SGMS1: variants seen among roughly 807,000 people sequenced by gnomAD.
The protein encoded by SGMS1 is sphingomyelin synthase 1.
A neutral mutation model predicts 46.2 loss-of-function variants in SGMS1; 13 were observed. That is an observed-to-expected ratio of 0.28 (90% CI 0.18 to 0.45). SGMS1 has a LOEUF of 0.45. Among genes scored for constraint, SGMS1 ranks in the 20% least tolerant of loss-of-function variants. The probability of loss-of-function intolerance (pLI) is 1.00; values close to 1 mark genes in which losing one functional copy is unlikely to be tolerated. For missense variants in SGMS1, 324 were observed against 519.9 expected, an observed-to-expected ratio of 0.62 and a Z score of 3.66; for synonymous variants, 203 against 187.8, an observed-to-expected ratio of 1.08 and a Z score of -0.66.
At chr10:50,388,535 CT>C (rs1848717573) in intron 6 of SGMS1, among the ~76,000 whole-genome samples, 1 of 149,098 alleles carries the variant, frequency 6.7e-6, no homozygotes, top group South Asian at 2.1e-4. Flanking sequence ...ATCCTAGATA[CT>C]CAGGAGGCAG....
At chr10:50,622,459 GC>G (rs1222749867) in intron 1 of SGMS1, among the ~76,000 whole-genome samples, 1 of 152,040 alleles carries the variant, frequency 6.6e-6, no homozygotes, top group African/African-American at 2.4e-5. Flanking sequence ...TCAGACATTC[GC>G]CACTTCCACA....
chr10:50,451,760 C>G (rs1837112662), intron 5 of SGMS1, among the ~76,000 whole-genome samples: 1 of 152,200 alleles, frequency 6.6e-6, no homozygotes, highest in African/African-American at 2.4e-5. Flanking sequence ...ATGCTTCTCA[C>G]TAGATATACC....
At chr10:50,545,525 C>A (rs992530962) in intron 2 of SGMS1, among the ~76,000 whole-genome samples, 20 of 150,560 alleles carry the variant, frequency 1.3e-4, no homozygotes, top group African/African-American at 4.4e-4. Context: ...CAACCTCCAC[C>A]CCTGGGTTCA....
intron 6 of SGMS1, among the ~76,000 whole-genome samples, chr10:50,396,037 C>T (rs1294880242): frequency 1.3e-5 from 2 of 152,208 alleles, no homozygotes; most frequent in African/African-American, 4.8e-5. Context: ...CCCAATTCTA[C>T]TGAAAGAGGA....
chr10:50,587,651 G>A (rs1164807650), intron 2 of SGMS1, among the ~76,000 whole-genome samples: 21 of 151,208 alleles, frequency 1.4e-4, no homozygotes, highest in Admixed American at 1.1e-3. Flanking sequence ...GTGTGTGTGT[G>A]TGTGTGTGTG....
chr10:50,524,569 T>C (rs1317383673), intron 2 of SGMS1, among the ~76,000 whole-genome samples: 3 of 152,246 alleles, frequency 2.0e-5, no homozygotes, highest in Non-Finnish European at 4.4e-5. Flanking sequence ...GTGCTTTTGA[T>C]ATGCTAAGCA....
chr10:50,510,105 C>T (rs1193403807), intron 3 of SGMS1, among the ~76,000 whole-genome samples: 1 of 152,168 alleles, frequency 6.6e-6, no homozygotes, highest in African/African-American at 2.4e-5. Context: ...TTTTCTAACC[C>T]TATACTCTTG....
At chr10:50,606,483 T>A (rs1385332059) in intron 1 of SGMS1, among the ~76,000 whole-genome samples, 2 of 152,246 alleles carry the variant, frequency 1.3e-5, no homozygotes, top group Non-Finnish European at 2.9e-5. Context: ...GTATGTGTAT[T>A]TTACTATAAT....
intron 6 of SGMS1, among the ~76,000 whole-genome samples, chr10:50,409,066 A>G (rs1849062071): frequency 6.6e-6 from 1 of 152,202 alleles, no homozygotes; most frequent in African/African-American, 2.4e-5. Flanking sequence ...CTCACTTTGG[A>G]AAGAGGTAAT....
At chr10:50,515,350 T>C (rs1277611881) in intron 3 of SGMS1, among the ~76,000 whole-genome samples, 1 of 152,178 alleles carries the variant, frequency 6.6e-6, no homozygotes, top group Non-Finnish European at 1.5e-5. Context: ...GTCTCTGCAT[T>C]GTTTTGATAC....
chr10:50,427,535 G>A (rs939241506), intron 6 of SGMS1, among the ~76,000 whole-genome samples: 28 of 152,156 alleles, frequency 1.8e-4, no homozygotes, highest in Admixed American at 1.7e-3. Flanking sequence ...AAATTAAATG[G>A]CACAGTAAAT....
intron 6 of SGMS1, among the ~76,000 whole-genome samples, chr10:50,405,712 A>G (rs1388625301): frequency 6.6e-6 from 1 of 152,234 alleles, no homozygotes; most frequent in Non-Finnish European, 1.5e-5. Flanking sequence ...AATTCTTGAG[A>G]TAAAATCCCA....
At chr10:50,392,294 T>C (rs752133753) in intron 6 of SGMS1, among the ~76,000 whole-genome samples, 9 of 152,192 alleles carry the variant, frequency 5.9e-5, no homozygotes, top group Non-Finnish European at 1.2e-4. Flanking sequence ...TTTCTGTCTA[T>C]GTAATTAGAA....
chr10:50,624,074 G>T (rs1210881833), upstream of SGMS1: 1 of 985,166 alleles, frequency 1.0e-6, no homozygotes, highest in Non-Finnish European at 1.2e-6. Context: ...GTCCGCGGGG[G>T]GCTCCTCCCG....
chr10:50,566,147 C>G (rs574404703), intron 2 of SGMS1, among the ~76,000 whole-genome samples: 88 of 152,326 alleles, frequency 5.8e-4, no homozygotes, highest in Non-Finnish European at 1.0e-3. Flanking sequence ...TTTTGACAAC[C>G]TTTGGCTTTC....
At chr10:50,414,590 A>G (rs1300847172) in intron 6 of SGMS1, among the ~76,000 whole-genome samples, 2 of 152,236 alleles carry the variant, frequency 1.3e-5, no homozygotes, top group African/African-American at 4.8e-5. Context: ...TTAATCCTTC[A>G]ACATCTTCAA....
intron 5 of SGMS1, among the ~76,000 whole-genome samples, chr10:50,436,159 C>T (rs1458632529): frequency 1.3e-5 from 2 of 152,164 alleles, no homozygotes; most frequent in Non-Finnish European, 2.9e-5. Context: ...GGCTGGAGTG[C>T]AGTGGCACTA....
chr10:50,605,577 T>C (rs1838687462), intron 1 of SGMS1, among the ~76,000 whole-genome samples: 1 of 152,214 alleles, frequency 6.6e-6, no homozygotes, highest in Admixed American at 6.5e-5. Flanking sequence ...GAGACTGCTC[T>C]GAAGTATTGT....
upstream of SGMS1, chr10:50,624,910 C>A: frequency 9.9e-7 from 1 of 1,006,926 alleles, no homozygotes; most frequent in Non-Finnish European, 1.2e-6. Flanking sequence ...CGGCTACGGG[C>A]CCGGCGTACC....
Sources: allele counts gnomAD v4.1 joint callset (sites outside exome capture counted in the v4.1 genomes callset), GRCh38; gene constraint gnomAD v4.1.1; transcripts MANE v1.5; gene names NCBI Gene and HGNC (gene_info 2026-07-23, HGNC 2026-07-21).